NSD1: variants seen among roughly 807,000 people sequenced by gnomAD.
NSD1 encodes histone-lysine N-methyltransferase, H3 lysine-36 specific.
Under a neutral mutation model 242.7 loss-of-function variants are expected in NSD1, and 26 were observed. The ratio of observed to expected loss-of-function variants is 0.11; its 90% CI spans 0.08 to 0.15. The LOEUF is 0.15. Ranked by LOEUF, NSD1 falls within the 10% of genes least tolerant of loss-of-function variation. The pLI is 1.00. For synonymous variants in NSD1, 1,106 were observed against 1,178.1 expected, an observed-to-expected ratio of 0.94 and a Z score of 1.25; for missense variants, 2,495 against 3,272.8, an observed-to-expected ratio of 0.76 and a Z score of 5.80.
In NSD1 at chr5:177,294,023, CGT is replaced by C; in HGVS notation, c.6657_6658del (p.Glu2220ValfsTer33). 6.2e-7 allele frequency: 1 copy of C among 1,614,084 alleles called. No individual in the cohort carries two copies. Among genetic ancestry groups the C allele is most frequent in the Non-Finnish European group, 8.5e-7 (1 of 1,180,030 alleles). On this transcript the variant is annotated frameshift_variant, in exon 23 of 23. Transcript: ENST00000439151. LOFTEE classifies it high-confidence loss of function. Reference protein sequence around the residue: ...GPNPLEPGEIREYVPPPVPLP... With the variant: ...GPNPLEPGEIXEYVPPPVPLP... ...CAATCCTCTGGAACCTGGGGAGATC[CGT>C]GAGTATGTGCCTCCCCCAGTACCGC...
chr5:177,207,571 C>T (rs1243880107), intron 4 of NSD1, among the ~76,000 whole-genome samples: 4 of 143,706 alleles, frequency 2.8e-5, no homozygotes, highest in East Asian at 2.0e-4. Flanking sequence ...CGTGAGCCAC[C>T]GTGCCTGGCC....
At chr5:177,289,619 C>T (rs1451289382) in intron 21 of NSD1, among the ~76,000 whole-genome samples, 2 of 152,002 alleles carry the variant, frequency 1.3e-5, no homozygotes, top group African/African-American at 4.8e-5. Flanking sequence ...TCTGAAGATA[C>T]CAAAAAATCT....
chr5:177,196,691 A>AT (rs1464046138), intron 3 of NSD1, among the ~76,000 whole-genome samples: 1 of 152,178 alleles, frequency 6.6e-6, no homozygotes, highest in Non-Finnish European at 1.5e-5. Flanking sequence ...CATGGGTGAG[A>AT]TTTTTTGGGA....
intron 21 of NSD1, among the ~76,000 whole-genome samples, chr5:177,290,910 A>G (rs1759764463): frequency 6.6e-6 from 1 of 152,132 alleles, no homozygotes; most frequent in Admixed American, 6.5e-5. Context: ...TGTAGTGCGG[A>G]TGTCAGTTTC....
intron 2 of NSD1, among the ~76,000 whole-genome samples, chr5:177,136,581 CT>C (rs918354479): frequency 1.1e-4 from 16 of 150,652 alleles, no homozygotes; most frequent in African/African-American, 3.9e-4. Flanking sequence ...GCATCCTGTG[CT>C]TTTGATAACT....
chr5:177,279,600 A>G (rs1758679268), intron 17 of NSD1, among the ~76,000 whole-genome samples: 1 of 145,432 alleles, frequency 6.9e-6, no homozygotes, highest in African/African-American at 2.6e-5. Flanking sequence ...CTGGCTTATC[A>G]GCTTTGAAAA....
rs1281993914 is a variant in NSD1 at position 177,265,703 on chromosome 5, G to C, written c.5147-1859G>C. On this transcript the variant is annotated intron_variant, in intron 14 of 22. Transcript: ENST00000439151. ...GATGGTGCCGAAGATCTCCTCGCCC[G>C]TCTTCAAGGTCAGGTAGTCCTCCAT... The C allele has an allele frequency of 1.9e-6, 3 of 1,608,782 alleles. No homozygotes were observed. In the Admixed American group the frequency reaches 5.0e-5, roughly 27 times the overall value.
chr5:177,229,977 C>G (rs1053340696), intron 5 of NSD1: 1 of 163,184 alleles, frequency 6.1e-6, no homozygotes, highest in Non-Finnish European at 1.4e-5. Context: ...CTCCCGACTT[C>G]AAGTGATCTG....
At chr5:177,236,532 T>A (rs1765448420) in intron 6 of NSD1, among the ~76,000 whole-genome samples, 1 of 152,248 alleles carries the variant, frequency 6.6e-6, no homozygotes, top group South Asian at 2.1e-4. Flanking sequence ...TGTAACTGGT[T>A]GTTATGGTTC....
rs1173835839 is a variant in NSD1 at position 177,249,390 on chromosome 5, A to T, written c.4641+1066A>T. On this transcript the variant is annotated intron_variant, in intron 11 of 22. Coordinates refer to ENST00000439151, the MANE Select transcript of NSD1 (RefSeq NM_022455.5). ...GTAGCCCAACAGGTCAAGATTACAG[A>T]CTTGTCTTTTAAATAAACAAAAAAC... 2.0e-5 allele frequency among the ~76,000 whole-genome samples: 3 copies of T among 151,924 alleles called. No individual in the cohort carries two copies. In the East Asian group the frequency reaches 5.8e-4, roughly 29 times the overall value.
chr5:177,213,019 C>T (rs1763480559), intron 5 of NSD1, among the ~76,000 whole-genome samples: 1 of 152,134 alleles, frequency 6.6e-6, no homozygotes, highest in Admixed American at 6.5e-5. Flanking sequence ...GAAAAAACTG[C>T]AAGTATTCTG....
chr5:177,211,143 A>G lies in NSD1; in HGVS notation c.2744A>G (p.Lys915Arg). ...YKFSTLLMML[K>R]DMHDSKTKEQ... ...TTCAGTACATTGCTAATGATGTTGA[A>G]AGATATGCATGATAGTAAGACGAAG... Residue 915 changes from lysine (K) to arginine (R), a missense_variant, in exon 5 of 23, where the codon AAA becomes AGA. Around this residue, in one of 19 missense-constraint regions of NSD1, gnomAD observed 121 missense variants for 167.2 expected, o/e 0.72. Transcript: ENST00000439151. The G allele has an allele frequency of 6.2e-7, 1 of 1,614,230 alleles. No homozygotes were observed. Among genetic ancestry groups the G allele is most frequent in the East Asian group, 2.2e-5 (1 of 44,888 alleles).
At chr5:177,225,357 G>A (rs541206385) in intron 5 of NSD1, among the ~76,000 whole-genome samples, 1 of 152,094 alleles carries the variant, frequency 6.6e-6, no homozygotes, top group African/African-American at 2.4e-5. Context: ...TGGCCAGGCT[G>A]GTCTTGAACT....
chr5:177,180,623 T>C (rs1246636779), intron 2 of NSD1, among the ~76,000 whole-genome samples: 1 of 152,132 alleles, frequency 6.6e-6, no homozygotes, highest in Non-Finnish European at 1.5e-5. Flanking sequence ...CCTGTGATTA[T>C]AATTTTGTTA....
At chr5:177,166,322 C>G (rs866461280) in intron 2 of NSD1, among the ~76,000 whole-genome samples, 1 of 151,866 alleles carries the variant, frequency 6.6e-6, no homozygotes, top group African/African-American at 2.4e-5. Flanking sequence ...CTGAGGTGGG[C>G]GGATCTCTTG....
At position 177,269,494 on chromosome 5, in the gene NSD1, A is replaced by T; in HGVS notation, c.5304-108A>T. 1.0e-6 allele frequency: 1 copy of T among 953,824 alleles called. No homozygotes were observed. The highest frequency in any genetic ancestry group is 1.7e-6 in the Non-Finnish European group (1 of 605,934). The allele number at this position is 953,824 out of a possible 1,614,324, so 59.1% of individuals were successfully genotyped here. On this transcript the variant is annotated intron_variant, in intron 15 of 22. Transcript: ENST00000439151. This position sits in a 1 kb window ranked among gnomAD's most constrained non-coding sequence, Gnocchi z 5.1. ...GTAAGAATGCCGTAAGATGGACTTT[A>T]ATGTGGACAGACAGACATTGCTAAT...
At chr5:177,209,253 T>G (rs895047980) in intron 4 of NSD1, among the ~76,000 whole-genome samples, 1 of 151,518 alleles carries the variant, frequency 6.6e-6, no homozygotes, top group Admixed American at 6.6e-5. Context: ...TCAGGCCGGG[T>G]GCGGTGGCTC....
chr5:177,256,266 GC>G (rs756865305), intron 12 of NSD1, among the ~76,000 whole-genome samples: 1 of 139,546 alleles, frequency 7.2e-6, no homozygotes, highest in Non-Finnish European at 1.5e-5. Flanking sequence ...TAACAATACT[GC>G]CCCCACACTT....
At position 177,213,491 on chromosome 5, in the gene NSD1, G is replaced by A. The variant is rs1010162655; in HGVS notation, c.3796+1296G>A. Among the ~76,000 whole-genome samples, 6 of 151,742 alleles carry A rather than the reference G, an allele frequency of 4.0e-5. No homozygotes were observed. In the South Asian group the frequency reaches 6.2e-4, roughly 16 times the overall value. On this transcript the variant is annotated intron_variant, in intron 5 of 22. Coordinates refer to ENST00000439151, the MANE Select transcript of NSD1 (RefSeq NM_022455.5). Reference sequence around the variant, plus strand: ...TTTTTTTCTTTTTTTTTCTTGAGACGGAGTCTCGCTCTGTTACCCAGGCTG... The same window carrying A: ...TTTTTTTCTTTTTTTTTCTTGAGACAGAGTCTCGCTCTGTTACCCAGGCTG...
Sources: gnomAD v4.1 joint callset for allele counts (sites outside exome capture counted in the v4.1 genomes callset) on GRCh38, gnomAD v4.1.1 for gene constraint, gnomAD v4.1.1 regional missense constraint, Gnocchi (gnomAD v3.1) non-coding constraint, MANE v1.5 for transcripts, NCBI Gene and HGNC (gene_info 2026-07-23, HGNC 2026-07-21) for gene names.